The following GRIP1 variants were observed in gnomAD, a reference collection of about 807,000 sequenced individuals.
The protein encoded by GRIP1 is glutamate receptor-interacting protein 1.
GRIP1 carries 45 observed loss-of-function variants against 129.9 expected under a neutral mutation model. The ratio of observed to expected loss-of-function variants is 0.35; its 90% CI spans 0.27 to 0.44. The LOEUF is 0.44. Ranked by LOEUF, GRIP1 falls within the 20% of genes least tolerant of loss-of-function variation. The pLI is 1.00. For missense variants in GRIP1, 1,196 were observed against 1,396.8 expected (o/e 0.86, Z 2.29); for synonymous variants, 530 against 520.8 (o/e 1.02, Z -0.24).
At chr12:66,847,893 A>C (rs1471514217) in intron 1 of GRIP1, among the ~76,000 whole-genome samples, 1 of 152,198 alleles carries the variant, frequency 6.6e-6, no homozygotes. Flanking sequence ...TATGTGTTTT[A>C]ATTTCCTTTT....
chr12:66,417,796 C>T (rs2057661592), intron 15 of GRIP1, among the ~76,000 whole-genome samples: 1 of 151,818 alleles, frequency 6.6e-6, no homozygotes, highest in African/African-American at 2.4e-5. Flanking sequence ...AGGACACAAA[C>T]AAATAGAAAA....
At chr12:66,423,673 A>G (rs2057887475) in intron 14 of GRIP1, among the ~76,000 whole-genome samples, 1 of 152,190 alleles carries the variant, frequency 6.6e-6, no homozygotes, top group Non-Finnish European at 1.5e-5. Context: ...GTTGAATAAA[A>G]AGGAGAGACA....
intron 1 of GRIP1, among the ~76,000 whole-genome samples, chr12:66,907,688 T>A (rs902066537): frequency 6.6e-6 from 1 of 152,014 alleles, no homozygotes; most frequent in Non-Finnish European, 1.5e-5. Flanking sequence ...ACCAATGAGA[T>A]GACGATAGAA....
intron 19 of GRIP1, among the ~76,000 whole-genome samples, chr12:66,390,679 C>T: frequency 6.6e-6 from 1 of 152,082 alleles, no homozygotes; most frequent in East Asian, 1.9e-4. Flanking sequence ...TCTCTGGTAA[C>T]AAAAATATCT....
At chr12:66,593,588 A>C (rs1307351347) in intron 2 of GRIP1, among the ~76,000 whole-genome samples, 1 of 152,214 alleles carries the variant, frequency 6.6e-6, no homozygotes, top group African/African-American at 2.4e-5. Flanking sequence ...AGAACAGCTT[A>C]AAATATCATA....
At chr12:66,522,446 A>G (rs572021179) in intron 5 of GRIP1, among the ~76,000 whole-genome samples, 1 of 152,326 alleles carries the variant, frequency 6.6e-6, no homozygotes, top group East Asian at 1.9e-4. Flanking sequence ...GACCTCTAGC[A>G]AACTCCAACA....
intron 15 of GRIP1, among the ~76,000 whole-genome samples, chr12:66,416,851 G>A (rs2057621871): frequency 6.6e-6 from 1 of 151,854 alleles, no homozygotes; most frequent in Admixed American, 6.6e-5. Flanking sequence ...TATAAATCCT[G>A]CTAAAACTAT....
chr12:66,461,977 T>C (rs927587496), intron 9 of GRIP1, among the ~76,000 whole-genome samples: 1 of 152,146 alleles, frequency 6.6e-6, no homozygotes, highest in African/African-American at 2.4e-5. Flanking sequence ...GGAACAAATA[T>C]CCTACTGGAA....
intron 2 of GRIP1, among the ~76,000 whole-genome samples, chr12:66,566,570 T>C (rs1262864844): frequency 6.6e-6 from 1 of 152,162 alleles, no homozygotes; most frequent in East Asian, 1.9e-4. Context: ...GGGATATTGG[T>C]CTAAAATTCT....
At chr12:66,433,943 C>A (rs1313661504) in intron 13 of GRIP1, among the ~76,000 whole-genome samples, 1 of 152,166 alleles carries the variant, frequency 6.6e-6, no homozygotes, top group African/African-American at 2.4e-5. Context: ...TTACTAACCA[C>A]ATAGTTAACA....
intron 16 of GRIP1, among the ~76,000 whole-genome samples, chr12:66,396,262 T>G (rs2056784764): frequency 6.6e-6 from 1 of 152,186 alleles, no homozygotes; most frequent in South Asian, 2.1e-4. Context: ...GCATTTTGGG[T>G]TGGAGCATCT....
intron 1 of GRIP1, among the ~76,000 whole-genome samples, chr12:66,737,321 T>A: frequency 6.6e-6 from 1 of 152,198 alleles, no homozygotes; most frequent in East Asian, 1.9e-4. Flanking sequence ...TCTCACTCTG[T>A]CACCTAGGCT....
intron 1 of GRIP1, among the ~76,000 whole-genome samples, chr12:66,929,113 T>G (rs926713170): frequency 2.0e-5 from 3 of 152,192 alleles, no homozygotes; most frequent in Admixed American, 1.3e-4. Context: ...CTTCCAGTCT[T>G]TGTGTGAAAA....
intron 1 of GRIP1, among the ~76,000 whole-genome samples, chr12:66,852,098 G>A (rs2039922750): frequency 6.6e-6 from 1 of 151,970 alleles, no homozygotes; most frequent in Non-Finnish European, 1.5e-5. Flanking sequence ...TCTATAAATA[G>A]AGCTTTTGAA....
chr12:66,598,707 A>G (rs559428815), intron 1 of GRIP1, among the ~76,000 whole-genome samples: 1 of 152,322 alleles, frequency 6.6e-6, no homozygotes, highest in South Asian at 2.1e-4. Flanking sequence ...TTAAAAATGT[A>G]TTTCCTTTCA....
At chr12:66,782,868 A>T (rs1428078995) in intron 1 of GRIP1, among the ~76,000 whole-genome samples, 7 of 152,188 alleles carry the variant, frequency 4.6e-5, no homozygotes, top group African/African-American at 1.4e-4. Flanking sequence ...GAAACTGAAG[A>T]TGGTTAGAGA....
intron 1 of GRIP1, among the ~76,000 whole-genome samples, chr12:66,855,499 T>C (rs970165847): frequency 1.3e-5 from 2 of 151,994 alleles, no homozygotes; most frequent in Non-Finnish European, 2.9e-5. Context: ...AATCTGTTGA[T>C]TCATATCACT....
intron 1 of GRIP1, among the ~76,000 whole-genome samples, chr12:66,777,970 C>A (rs529342082): frequency 2.1e-4 from 32 of 152,256 alleles, no homozygotes; most frequent in African/African-American, 7.2e-4. Context: ...AGCTAATGAG[C>A]ACTTGAAACA....
intron 1 of GRIP1, among the ~76,000 whole-genome samples, chr12:67,020,930 T>C (rs1017331320): frequency 3.3e-5 from 5 of 151,756 alleles, no homozygotes; most frequent in African/African-American, 1.2e-4. Context: ...TGAAACCCCA[T>C]CTCTACAAAT....
Sources: allele counts gnomAD v4.1 joint callset (sites outside exome capture counted in the v4.1 genomes callset), GRCh38; gene constraint gnomAD v4.1.1; transcripts MANE v1.5; gene names NCBI Gene and HGNC (gene_info 2026-07-23, HGNC 2026-07-21).